Variants in ANKRD44 observed in about 807,000 individuals in gnomAD.
ANKRD44 encodes the protein serine/threonine-protein phosphatase 6 regulatory ankyrin repeat subunit B.
Under a neutral mutation model 116.0 loss-of-function variants are expected in ANKRD44, and 35 were observed. The ratio of observed to expected loss-of-function variants is 0.30; its 90% CI spans 0.23 to 0.40. The LOEUF (loss-of-function observed/expected upper bound fraction) is 0.40, where lower values mean the gene tolerates loss of function less well. Ranked by LOEUF, ANKRD44 falls within the 10% of genes least tolerant of loss-of-function variation. The probability of loss-of-function intolerance (pLI) is 1.00; values close to 1 mark genes in which losing one functional copy is unlikely to be tolerated. For missense variants in ANKRD44, 1,014 were observed against 1,242.6 expected (o/e 0.82, Z 2.77); for synonymous variants, 435 against 461.8 (o/e 0.94, Z 0.74).
intron 16 of ANKRD44, among the ~76,000 whole-genome samples, chr2:197,044,548 A>G (rs553385949): frequency 8.5e-5 from 13 of 152,124 alleles, no homozygotes; most frequent in Non-Finnish European, 1.5e-4. Flanking sequence ...TTTAGTAGAG[A>G]CAGGGTTTCA....
At chr2:196,979,554 C>CCTTTTTTTTTTTTTTTTTTTTTTTTTT (rs2075785197) in intron 21 of ANKRD44, among the ~76,000 whole-genome samples, 1 of 59,634 alleles carries the variant, frequency 1.7e-5, no homozygotes, top group African/African-American at 6.4e-5. Context: ...AATAAGATGA[C>CCTTTTTTTTTTTTTTTTTTTTTTTTTT]TTTTTTTTTT....
At chr2:197,060,817 G>A (rs1347027453) in intron 16 of ANKRD44, among the ~76,000 whole-genome samples, 1 of 152,064 alleles carries the variant, frequency 6.6e-6, no homozygotes, top group African/African-American at 2.4e-5. Flanking sequence ...TTAGTGTAAC[G>A]TCTTCCAGGT....
chr2:197,289,134 C>CGT (rs924133004), intron 1 of ANKRD44, among the ~76,000 whole-genome samples: 92 of 152,156 alleles, frequency 6.0e-4, no homozygotes, highest in African/African-American at 2.1e-3. Context: ...GGTCATTACA[C>CGT]ATCCTATGTA....
chr2:197,263,252 C>T (rs1053826850), intron 1 of ANKRD44: 4 of 549,864 alleles, frequency 7.3e-6, no homozygotes, highest in East Asian at 8.2e-5. Flanking sequence ...GGTAGTCTCA[C>T]GTCCCCTTAC....
intron 1 of ANKRD44, among the ~76,000 whole-genome samples, chr2:197,260,429 T>C (rs976741011): frequency 2.0e-5 from 3 of 152,230 alleles, no homozygotes; most frequent in African/African-American, 4.8e-5. Context: ...TTTTTATGGC[T>C]GCATAGTATT....
intron 16 of ANKRD44, among the ~76,000 whole-genome samples, chr2:197,062,497 T>C (rs979541806): frequency 3.3e-5 from 5 of 152,196 alleles, no homozygotes; most frequent in African/African-American, 1.2e-4. Context: ...GGACAGTGGG[T>C]GCAGCCCACA....
At chr2:197,301,402 T>A (rs2083904285) in intron 1 of ANKRD44, 6 of 152,192 alleles carry the variant, frequency 3.9e-5, no homozygotes, top group Admixed American at 3.9e-4. Context: ...TCATGTCACC[T>A]TGATACTTCC....
intron 1 of ANKRD44, among the ~76,000 whole-genome samples, chr2:197,193,837 G>A (rs1251612501): frequency 6.6e-6 from 1 of 152,090 alleles, no homozygotes; most frequent in African/African-American, 2.4e-5. Flanking sequence ...AGCCGAGATC[G>A]CGCCACTGCA....
intron 16 of ANKRD44, among the ~76,000 whole-genome samples, chr2:197,028,369 C>CA (rs1440908288): frequency 2.0e-5 from 3 of 152,174 alleles, no homozygotes; most frequent in Admixed American, 1.3e-4. Context: ...ACTACAGGCA[C>CA]AAGTCACCAC....
At chr2:197,093,161 C>T (rs538108112) in intron 10 of ANKRD44, among the ~76,000 whole-genome samples, 22 of 151,636 alleles carry the variant, frequency 1.5e-4, no homozygotes, top group African/African-American at 4.8e-4. Flanking sequence ...AATATATATA[C>T]ACATAATATA....
intron 4 of ANKRD44, chr2:197,136,336 T>C (rs2079215510): frequency 1.9e-6 from 1 of 513,396 alleles, no homozygotes; most frequent in South Asian, 2.6e-5. Context: ...CTGCTTTGCC[T>C]CCTCCCCAGG....
chr2:197,205,822 G>A (rs1167313384), intron 1 of ANKRD44, among the ~76,000 whole-genome samples: 2 of 152,160 alleles, frequency 1.3e-5, no homozygotes, highest in African/African-American at 2.4e-5. Flanking sequence ...CTTCAGAGAG[G>A]AGGTGACAGC....
chr2:197,207,374 A>G (rs1354145916), intron 1 of ANKRD44, among the ~76,000 whole-genome samples: 2 of 152,220 alleles, frequency 1.3e-5, no homozygotes, highest in Non-Finnish European at 2.9e-5. Context: ...TCCCAGTGTA[A>G]TAATCACCCA....
At chr2:197,266,557 C>T (rs142324781) in intron 1 of ANKRD44, among the ~76,000 whole-genome samples, 9 of 151,176 alleles carry the variant, frequency 6.0e-5, no homozygotes, top group South Asian at 4.2e-4. Flanking sequence ...TTTCTTTACA[C>T]GAACTGAATG....
intron 1 of ANKRD44, among the ~76,000 whole-genome samples, chr2:197,268,523 C>A (rs1307659816): frequency 6.6e-6 from 1 of 152,140 alleles, no homozygotes; most frequent in Non-Finnish European, 1.5e-5. Flanking sequence ...TATACTGTTC[C>A]CATTTTATAG....
intron 1 of ANKRD44, among the ~76,000 whole-genome samples, chr2:197,239,372 C>T (rs2082042838): frequency 6.6e-6 from 1 of 152,198 alleles, no homozygotes; most frequent in South Asian, 2.1e-4. Flanking sequence ...GCTGGGACTA[C>T]AGGCATGAGC....
At chr2:197,024,384 C>T (rs1017443739) in intron 17 of ANKRD44, among the ~76,000 whole-genome samples, 2 of 152,196 alleles carry the variant, frequency 1.3e-5, no homozygotes, top group African/African-American at 4.8e-5. Flanking sequence ...TTCAGCAGCA[C>T]CAAGGGCACG....
chr2:197,138,353 A>G (rs1471858588), intron 3 of ANKRD44, among the ~76,000 whole-genome samples: 2 of 152,256 alleles, frequency 1.3e-5, no homozygotes, highest in East Asian at 3.8e-4. Flanking sequence ...ACCATCACCT[A>G]GAGACTGTAG....
chr2:197,246,151 C>A (rs1459817203), intron 1 of ANKRD44, among the ~76,000 whole-genome samples: 1 of 151,918 alleles, frequency 6.6e-6, no homozygotes, highest in South Asian at 2.1e-4. Flanking sequence ...AATGACTGTG[C>A]CCTGCCTACC....
Sources: allele counts gnomAD v4.1 joint callset (sites outside exome capture counted in the v4.1 genomes callset), GRCh38; gene constraint gnomAD v4.1.1; transcripts MANE v1.5; gene names NCBI Gene and HGNC (gene_info 2026-07-23, HGNC 2026-07-21).